CHRM5: variants seen among roughly 807,000 people sequenced by gnomAD.
The protein encoded by CHRM5 is muscarinic acetylcholine receptor M5.
In CHRM5, 18 loss-of-function variants were observed where a neutral mutation model predicts 39.0. The ratio of observed to expected loss-of-function variants is 0.46; its 90% CI spans 0.32 to 0.68. The LOEUF (loss-of-function observed/expected upper bound fraction) is 0.68. CHRM5 is among the 30% of genes least tolerant of loss of function. The pLI, the probability that CHRM5 is intolerant of heterozygous loss-of-function variation, is 0.04. For synonymous variants in CHRM5, 241 were observed against 246.3 expected (o/e 0.98, Z 0.20); for missense variants, 515 against 651.1 (o/e 0.79, Z 2.28).
At position 33,984,303 on chromosome 15, in the gene CHRM5, ATAAG is replaced by A. The variant is rs199809494; in HGVS notation, c.-408+15157_-408+15160del. Among the ~76,000 whole-genome samples the A allele has an allele frequency of 3.4e-3, 520 of 152,310 alleles. 22 individuals carry two copies. The East Asian group carries it at 0.082, about 24-fold the overall frequency. The stretch of plus-strand genomic sequence containing the variant: ...TATTAGAAAATAAAAAGTTTACAAA[ATAAG>A]TAATTGGACCTTAATGTCATTTTAT... On this transcript the variant is annotated intron_variant, in intron 1 of 2. Transcript: ENST00000383263.
chr15:33,983,170 G>GTGTATA (rs796742277), intron 1 of CHRM5, among the ~76,000 whole-genome samples: 16,403 of 126,442 alleles, frequency 0.13, 1,263 homozygotes, highest in South Asian at 0.25. Context: ...ATGTGTGTGT[G>GTGTATA]TATATATACA....
chr15:33,984,675 T>C (rs936916275), intron 1 of CHRM5, among the ~76,000 whole-genome samples: 3 of 152,172 alleles, frequency 2.0e-5, no homozygotes, highest in African/African-American at 7.2e-5. Context: ...GTGCTCGGAT[T>C]ACAGGTGTGA....
At chr15:33,976,333 G>A (rs1309129707) in intron 1 of CHRM5, among the ~76,000 whole-genome samples, 1 of 152,188 alleles carries the variant, frequency 6.6e-6, no homozygotes, top group Non-Finnish European at 1.5e-5. Context: ...CTGCTTTGAA[G>A]TCAATCTCCT....
At chr15:34,011,961 A>G (rs541264698) in intron 1 of CHRM5, among the ~76,000 whole-genome samples, 1 of 152,308 alleles carries the variant, frequency 6.6e-6, no homozygotes, top group East Asian at 1.9e-4. Flanking sequence ...CAGTTTGTGG[A>G]GGTCCTTTTA....
In CHRM5 at chr15:34,010,867, A is replaced by G. The variant is rs1334087977; in HGVS notation, c.-407-35673A>G. 6.6e-5 allele frequency among the ~76,000 whole-genome samples: 10 copies of G among 152,200 alleles called. No homozygotes were observed. In the South Asian group the frequency reaches 1.2e-3, roughly 19 times the overall value. On this transcript the variant is annotated intron_variant, in intron 1 of 2. Coordinates refer to ENST00000383263, the MANE Select transcript of CHRM5 (RefSeq NM_012125.4). The stretch of plus-strand genomic sequence containing the variant: ...GATTAATAGTTAATTGCCAACTTTT[A>G]TATTTGTAAACCTATTAAGGTCATT...
chr15:34,018,287 G>GTGGGTTCTC (rs1189427129), intron 1 of CHRM5: 1 of 152,244 alleles, frequency 6.6e-6, no homozygotes, highest in Admixed American at 6.5e-5. Context: ...ATTCCTTCTT[G>GTGGGTTCTC]TGGGTTCTCG....
intron 1 of CHRM5, among the ~76,000 whole-genome samples, chr15:34,030,537 A>G (rs150598493): frequency 4.5e-4 from 69 of 152,112 alleles, no homozygotes; most frequent in South Asian, 8.3e-4. Context: ...TAGTAGAGAC[A>G]GGGTTTCATT....
rs1900443611 is a variant in CHRM5 at position 34,064,067 on chromosome 15, C to T, written c.1350C>T (p.Ala450=). ...AGACACTGAGTGCCATTCTCCTGGC[C>T]TTCATCATCACATGGACCCCGTATA... ...AAQTLSAILL[A]FIITWTPYNI... Residue 450 remains alanine (A), a synonymous_variant, in exon 3 of 3, where the codon GCC becomes GCT. Transcript: ENST00000383263. 1 of 1,614,188 alleles carries T rather than the reference C, an allele frequency of 6.2e-7. No homozygotes were observed. The highest frequency in any genetic ancestry group is 2.2e-5 in the East Asian group (1 of 44,886).
intron 1 of CHRM5, among the ~76,000 whole-genome samples, chr15:33,979,045 T>C (rs1312347098): frequency 1.3e-5 from 2 of 152,150 alleles, no homozygotes; most frequent in African/African-American, 4.8e-5. Flanking sequence ...TTTAGAAAGG[T>C]TGACATACTT....
In CHRM5 at chr15:34,063,223, G is replaced by A. The variant is rs1328896835; in HGVS notation, c.506G>A (p.Trp169Ter). ...CTCTGGGCCCCAGCAATCCTCTGCT[G>A]GCAGTACTTGGTTGGGAAGCGGACA... ...FILWAPAILC[W>*]QYLVGKRTVP... is the part of the protein sequence containing the mutation. The change falls in exon 3 of 3, where the codon TGG (tryptophan) becomes TAG (stop). Residue 169 changes from tryptophan (W) to a stop codon, truncating the protein, a stop_gained. Coordinates refer to ENST00000383263, the MANE Select transcript of CHRM5 (RefSeq NM_012125.4). LOFTEE classifies it high-confidence loss of function. The surrounding 1 kb of genome is among the most constrained non-coding windows in gnomAD (Gnocchi z 4.1). The A allele has an allele frequency of 6.2e-7, 1 of 1,614,170 alleles. No individual in the cohort carries two copies. The highest frequency in any genetic ancestry group is 1.7e-5 in the Admixed American group (1 of 60,018).
chr15:34,060,628 A>C (rs1020176742), intron 2 of CHRM5, among the ~76,000 whole-genome samples: 1 of 152,158 alleles, frequency 6.6e-6, no homozygotes, highest in Non-Finnish European at 1.5e-5. Flanking sequence ...GTAATCCCAG[A>C]ACTTTGGGAA....
chr15:33,973,282 A>T (rs1055374623), intron 1 of CHRM5, among the ~76,000 whole-genome samples: 1 of 152,240 alleles, frequency 6.6e-6, no homozygotes, highest in Admixed American at 6.5e-5. Context: ...TTCAGTTATC[A>T]ACTAAAAATC....
intron 1 of CHRM5, among the ~76,000 whole-genome samples, chr15:33,986,401 G>A (rs7168444): frequency 0.15 from 23,032 of 151,880 alleles, 2,195 homozygotes; most frequent in African/African-American, 0.25. Flanking sequence ...AAGCCACCGC[G>A]CCCGGCCCAC....
rs1900391537 is a variant in CHRM5 at position 34,062,834 on chromosome 15, G to A, written c.117G>A (p.Val39=). The change falls in exon 3 of 3, where the codon GTG becomes GTA. Residue 39 remains valine, a synonymous_variant. Coordinates refer to ENST00000383263, the MANE Select transcript of CHRM5 (RefSeq NM_012125.4). The part of the protein sequence containing the change: ...EVITIAAVTA[V]VSLITIVGNV... ...TCACCATTGCAGCTGTGACTGCTGT[G>A]GTAAGCCTGATCACCATTGTGGGCA... 1.9e-6 allele frequency: 3 copies of A among 1,614,084 alleles called. No individual in the cohort carries two copies. Among genetic ancestry groups the A allele is most frequent in the Non-Finnish European group, 1.7e-6 (2 of 1,180,056 alleles).
intron 1 of CHRM5, among the ~76,000 whole-genome samples, chr15:34,046,224 A>C (rs1404919504): frequency 6.6e-6 from 1 of 152,146 alleles, no homozygotes; most frequent in African/African-American, 2.4e-5. Flanking sequence ...ACTATCATCC[A>C]AAAAAATAAA....
chr15:34,033,574 A>G (rs946028371), intron 1 of CHRM5, among the ~76,000 whole-genome samples: 5 of 152,200 alleles, frequency 3.3e-5, no homozygotes, highest in African/African-American at 1.2e-4. Context: ...AATTCAATCT[A>G]AAAGAAAAAG....
intron 1 of CHRM5, chr15:33,991,007 T>G (rs977211780): frequency 6.6e-6 from 1 of 152,104 alleles, no homozygotes; most frequent in Non-Finnish European, 1.5e-5. Flanking sequence ...TGGCAACTGA[T>G]GAGTAGAAAA....
At chr15:34,052,670 C>G (rs1158255469) in intron 2 of CHRM5, among the ~76,000 whole-genome samples, 1 of 152,170 alleles carries the variant, frequency 6.6e-6, no homozygotes, top group Non-Finnish European at 1.5e-5. Flanking sequence ...AATCAATGTG[C>G]AAAAATTGCT....
rs1179558618 is a variant in CHRM5, at chr15:33,975,801, A to G, written c.-408+6651A>G. On this transcript the variant is annotated intron_variant, in intron 1 of 2. Transcript: ENST00000383263. Reference sequence around the variant, plus strand: ...AAAAATTAGCCGGGCGTGGTGGCACATGCCTGTAGTCCCAGCTACTCGGGA... The same window carrying G: ...AAAAATTAGCCGGGCGTGGTGGCACGTGCCTGTAGTCCCAGCTACTCGGGA... 3.3e-5 allele frequency among the ~76,000 whole-genome samples: 5 copies of G among 152,226 alleles called. No homozygotes were observed. The East Asian group carries it at 9.7e-4, about 29-fold the overall frequency.
Sources: allele counts gnomAD v4.1 joint callset (sites outside exome capture counted in the v4.1 genomes callset), GRCh38; gene constraint gnomAD v4.1.1; non-coding constraint Gnocchi (gnomAD v3.1); transcripts MANE v1.5; gene names NCBI Gene and HGNC (gene_info 2026-07-23, HGNC 2026-07-21).